The following SPHKAP variants were observed in gnomAD, a reference collection of about 807,000 sequenced individuals.
SPHKAP encodes the protein SPHK1 interactor, AKAP domain containing.
Under a neutral mutation model 137.5 loss-of-function variants are expected in SPHKAP, and 67 were observed. That is an observed-to-expected ratio of 0.49 (90% CI 0.40 to 0.60). The LOEUF is 0.60. SPHKAP is among the 20% of genes least tolerant of loss of function. The probability of loss-of-function intolerance (pLI) is 0.00; values close to 1 mark genes in which losing one functional copy is unlikely to be tolerated. For synonymous variants in SPHKAP, 813 were observed against 785.3 expected, an observed-to-expected ratio of 1.04 and a Z score of -0.59; for missense variants, 2,097 against 2,069.3, an observed-to-expected ratio of 1.01 and a Z score of -0.26.
chr2:228,020,187 C>T, intron 6 of SPHKAP, 31 bp from the exon 7 acceptor site: 2 of 1,543,726 alleles, frequency 1.3e-6, no homozygotes, highest in South Asian at 1.3e-5. Flanking sequence ...GGCACTATTA[C>T]TTTTTGGATA....
At chr2:228,061,595 T>A (rs964600994) in intron 3 of SPHKAP, among the ~76,000 whole-genome samples, 2 of 152,130 alleles carry the variant, frequency 1.3e-5, no homozygotes, top group African/African-American at 4.8e-5. Flanking sequence ...TATTGGTCAT[T>A]ATTAGTTGGA....
At chr2:228,083,973 T>C (rs959519997) in intron 3 of SPHKAP, among the ~76,000 whole-genome samples, 3 of 151,722 alleles carry the variant, frequency 2.0e-5, no homozygotes, top group Admixed American at 6.6e-5. Context: ...AGGACAAATA[T>C]CTACTGGATG....
At chr2:228,041,384 C>A (rs1028972379) in intron 3 of SPHKAP, among the ~76,000 whole-genome samples, 3 of 152,170 alleles carry the variant, frequency 2.0e-5, no homozygotes, top group African/African-American at 7.2e-5. Context: ...GTGGCTCACA[C>A]CTGTAGTCCC....
intron 2 of SPHKAP, among the ~76,000 whole-genome samples, chr2:228,111,596 T>G (rs533683662): frequency 5.3e-5 from 8 of 152,340 alleles, no homozygotes; most frequent in Admixed American, 5.2e-4. Flanking sequence ...ACAGCTACTA[T>G]TTTTGCATGC....
intron 3 of SPHKAP, among the ~76,000 whole-genome samples, chr2:228,097,306 AC>A (rs2106334121): frequency 6.6e-6 from 1 of 152,232 alleles, no homozygotes; most frequent in African/African-American, 2.4e-5. Context: ...TGGTATAAAA[AC>A]CCAAGTTTTA....
intron 1 of SPHKAP, chr2:228,132,363 C>T: frequency 5.4e-6 from 1 of 183,832 alleles, no homozygotes; most frequent in East Asian, 1.9e-4. Flanking sequence ...GACTACTGGC[C>T]TTGTTAGCAT....
intron 7 of SPHKAP, 198 bp from the exon 8 acceptor site, chr2:227,995,892 A>G (rs1451885774): frequency 8.3e-6 from 8 of 967,038 alleles, no homozygotes; most frequent in Non-Finnish European, 9.8e-6. Flanking sequence ...CAGCTTTTCC[A>G]TCTCTTCTAT....
chr2:228,152,688 AT>A (rs1209982544), intron 1 of SPHKAP, among the ~76,000 whole-genome samples: 3 of 142,788 alleles, frequency 2.1e-5, no homozygotes, highest in African/African-American at 5.1e-5. Flanking sequence ...AAGTTTTATT[AT>A]TTTTTGGCCT....
At chr2:228,155,619 A>G (rs963613282) in intron 1 of SPHKAP, among the ~76,000 whole-genome samples, 9 of 152,164 alleles carry the variant, frequency 5.9e-5, no homozygotes, top group African/African-American at 1.4e-4. Flanking sequence ...TTAGGACAAT[A>G]TAGCCATTGG....
intron 3 of SPHKAP, among the ~76,000 whole-genome samples, chr2:228,075,493 G>A (rs1697151502): frequency 1.3e-5 from 2 of 152,158 alleles, no homozygotes; most frequent in South Asian, 4.2e-4. Flanking sequence ...AATCTTTTGA[G>A]TAGCTTTTGA....
At chr2:228,118,291 G>A (rs1698786691) in intron 2 of SPHKAP, among the ~76,000 whole-genome samples, 1 of 140,594 alleles carries the variant, frequency 7.1e-6, no homozygotes, top group South Asian at 2.4e-4. Context: ...AAGGAAATTT[G>A]GGTTGTTTCA....
intron 3 of SPHKAP, among the ~76,000 whole-genome samples, chr2:228,092,425 A>G (rs1187590086): frequency 8.1e-6 from 1 of 122,930 alleles, no homozygotes; most frequent in Non-Finnish European, 1.7e-5. Context: ...ACATATATAC[A>G]TATATGTATA....
intron 7 of SPHKAP, among the ~76,000 whole-genome samples, chr2:228,003,424 A>G (rs1320411827): frequency 1.3e-5 from 2 of 152,134 alleles, no homozygotes; most frequent in Non-Finnish European, 2.9e-5. Flanking sequence ...GTATCCTGAG[A>G]CTTTGCTGAA....
chr2:228,008,523 G>C (rs996620263), intron 7 of SPHKAP, among the ~76,000 whole-genome samples: 6 of 152,212 alleles, frequency 3.9e-5, no homozygotes, highest in African/African-American at 1.4e-4. Context: ...TCAAACTCCT[G>C]ACCTCAGGTG....
chr2:228,105,704 A>G (rs1487979519), intron 3 of SPHKAP, among the ~76,000 whole-genome samples: 2 of 152,110 alleles, frequency 1.3e-5, no homozygotes. Context: ...GACGGTGACT[A>G]AGTCTCACAA....
intron 3 of SPHKAP, among the ~76,000 whole-genome samples, chr2:228,081,998 CTTAAT>C (rs1697378753): frequency 6.6e-6 from 1 of 152,132 alleles, no homozygotes; most frequent in Non-Finnish European, 1.5e-5. Flanking sequence ...ATATTAATAG[CTTAAT>C]TTAGCCTTTC....
At chr2:228,176,717 C>T (rs975849368) in intron 1 of SPHKAP, among the ~76,000 whole-genome samples, 5 of 152,016 alleles carry the variant, frequency 3.3e-5, no homozygotes, top group Admixed American at 1.3e-4. Flanking sequence ...ACTAAAAATA[C>T]AAAATTAGCC....
intron 3 of SPHKAP, among the ~76,000 whole-genome samples, chr2:228,031,613 C>A (rs1311126694): frequency 6.6e-6 from 1 of 152,140 alleles, no homozygotes; most frequent in African/African-American, 2.4e-5. Context: ...TCGGAGGCAC[C>A]CCCCAGTAGG....
chr2:228,077,907 G>A (rs1305206237), intron 3 of SPHKAP, among the ~76,000 whole-genome samples: 3 of 152,164 alleles, frequency 2.0e-5, no homozygotes, highest in African/African-American at 7.2e-5. Flanking sequence ...GAACCCAGTG[G>A]GAGGTGATTG....
Sources: gnomAD v4.1 joint callset for allele counts (sites outside exome capture counted in the v4.1 genomes callset) on GRCh38, gnomAD v4.1.1 for gene constraint, MANE v1.5 for transcripts, NCBI Gene and HGNC (gene_info 2026-07-23, HGNC 2026-07-21) for gene names.